The following EFCAB6 variants were observed in gnomAD, a reference collection of about 807,000 sequenced individuals.
The protein encoded by EFCAB6 is EF-hand calcium binding domain 6.
A neutral mutation model predicts 169.8 loss-of-function variants in EFCAB6; 156 were observed. The observed-to-expected ratio is 0.92, with a 90% CI of 0.81 to 1.05. EFCAB6 has a LOEUF of 1.05. EFCAB6 is among the 50% of genes least tolerant of loss of function. The pLI is 0.00. For missense variants in EFCAB6, 1,800 were observed against 1,829.1 expected (o/e 0.98, Z 0.29); for synonymous variants, 698 against 676.4 (o/e 1.03, Z -0.50).
At chr22:43,787,589 A>G (rs926368930) in intron 2 of EFCAB6, among the ~76,000 whole-genome samples, 2 of 152,314 alleles carry the variant, frequency 1.3e-5, no homozygotes, top group African/African-American at 4.8e-5. Flanking sequence ...ACTACACAAT[A>G]TTGTTGAAAG....
chr22:43,753,095 G>A (rs75017174), intron 6 of EFCAB6, among the ~76,000 whole-genome samples: 14,362 of 152,222 alleles, frequency 0.094, 745 homozygotes, highest in South Asian at 0.17. Context: ...CAGAACAAAT[G>A]AGAAACCATC....
chr22:43,588,759 T>G (rs1217214672), intron 24 of EFCAB6, among the ~76,000 whole-genome samples: 1 of 152,140 alleles, frequency 6.6e-6, no homozygotes, highest in Non-Finnish European at 1.5e-5. Flanking sequence ...GGAAAGAGAT[T>G]AAATTGGGGA....
At chr22:43,596,145 A>C (rs1356435306) in intron 23 of EFCAB6, among the ~76,000 whole-genome samples, 1 of 152,114 alleles carries the variant, frequency 6.6e-6, no homozygotes, top group Admixed American at 6.5e-5. Flanking sequence ...ATATGATACT[A>C]ACCAGGGAAA....
rs139642313 is a variant in EFCAB6 at position 43,616,641 on chromosome 22, G to T, written c.2466-719C>A. Among the ~76,000 whole-genome samples the T allele has an allele frequency of 2.4e-3, 360 of 152,284 alleles. 1 individual carries two copies. The highest frequency in any genetic ancestry group is 8.1e-3 in the African/African-American group (338 of 41,548). ...ATTCGTGCCATTGCACTCCAGCCTG[G>T]GGGAGAGCACGAGACTCCATCTCAA... On this transcript the variant is annotated intron_variant, in intron 20 of 31. Transcript: ENST00000262726.
chr22:43,574,506 T>C (rs1446962784), intron 26 of EFCAB6, among the ~76,000 whole-genome samples: 1 of 152,148 alleles, frequency 6.6e-6, no homozygotes, highest in Admixed American at 6.5e-5. Flanking sequence ...GCTTAGTAGG[T>C]GCTCACCAAA....
intron 27 of EFCAB6, chr22:43,553,161 G>A (rs1569147050): frequency 6.6e-6 from 1 of 152,150 alleles, no homozygotes; most frequent in Non-Finnish European, 1.5e-5. Context: ...TACTTCCAAG[G>A]CCTTACCCTG....
chr22:43,786,709 A>T (rs892326631), intron 2 of EFCAB6, among the ~76,000 whole-genome samples: 7 of 151,988 alleles, frequency 4.6e-5, no homozygotes, highest in Non-Finnish European at 2.9e-5. Flanking sequence ...GCGAGACTCC[A>T]TAAAAAAAAT....
intron 17 of EFCAB6, among the ~76,000 whole-genome samples, chr22:43,654,115 T>C (rs571161779): frequency 5.9e-5 from 9 of 152,232 alleles, no homozygotes; most frequent in African/African-American, 1.9e-4. Flanking sequence ...GGAAAAATCA[T>C]TAAGGATCTT....
At chr22:43,616,016 G>A (rs756851546) in intron 20 of EFCAB6, 94 bp from the exon 21 acceptor site, 156 of 996,570 alleles carry the variant, frequency 1.6e-4, no homozygotes, top group Non-Finnish European at 2.2e-4. Context: ...TTTGTTTCAA[G>A]GATACCATTA....
intron 6 of EFCAB6, among the ~76,000 whole-genome samples, chr22:43,741,117 A>T (rs2060353943): frequency 6.6e-6 from 1 of 152,146 alleles, no homozygotes; most frequent in Non-Finnish European, 1.5e-5. Context: ...CACACAGGGG[A>T]GGAGAGATGA....
rs774199887 is a variant in EFCAB6 at position 43,600,205 on chromosome 22, T to C, written c.2740A>G (p.Ile914Val). Residue 914 changes from isoleucine to valine, a missense_variant, in exon 23 of 32, where the codon ATT becomes GTT. Physicochemically the swap from Ile to Val is conservative, Grantham distance 29. Coordinates refer to ENST00000262726, the MANE Select transcript of EFCAB6 (RefSeq NM_022785.4). ...CGATGGACAGCAGGCGAATAGTTAA[T>C]ACCCAATTTCTGTAAAAATTCCTGG... Reference protein sequence around the residue: ...TYQEFLQKLGINYSPAVHRPC... With the variant: ...TYQEFLQKLGVNYSPAVHRPC... The C allele has an allele frequency of 9.9e-6, 16 of 1,614,184 alleles. No homozygotes were observed. Among genetic ancestry groups the C allele is most frequent in the East Asian group, 2.2e-5 (1 of 44,892 alleles).
At chr22:43,770,605 A>G (rs1322943339) in intron 4 of EFCAB6, among the ~76,000 whole-genome samples, 1 of 152,226 alleles carries the variant, frequency 6.6e-6, no homozygotes, top group African/African-American at 2.4e-5. Flanking sequence ...CTAAAAGTAA[A>G]AATTCAAGGG....
chr22:43,604,640 G>A (rs2147579916), intron 22 of EFCAB6, among the ~76,000 whole-genome samples: 1 of 152,076 alleles, frequency 6.6e-6, no homozygotes, highest in South Asian at 2.1e-4. Context: ...GTTCTCTCTG[G>A]GCACTGCTTT....
Position 43,595,922 on chromosome 22 carries a change from G to C in EFCAB6, c.2876+4147C>G, listed in dbSNP as rs778101163. 1.2e-4 allele frequency among the ~76,000 whole-genome samples: 18 copies of C among 152,108 alleles called. 1 individual carries two copies. Among genetic ancestry groups the C allele is most frequent in the Non-Finnish European group, 2.4e-4 (16 of 68,002 alleles). ...CCATGATCAAGTGGAATTCATCCCA[G>C]GGATGCAAGGATGGTTCAACATACA... On this transcript the variant is annotated intron_variant, in intron 23 of 31. Coordinates refer to ENST00000262726, the MANE Select transcript of EFCAB6 (RefSeq NM_022785.4).
intron 2 of EFCAB6, among the ~76,000 whole-genome samples, chr22:43,808,648 G>GCAAAAACAAAAACAAAAA (rs549009066): frequency 1.3e-5 from 2 of 151,920 alleles, no homozygotes; most frequent in African/African-American, 2.4e-5. Context: ...AGAGCATTGG[G>GCAAAAACAAAAACAAAAA]CAAAAACAAA....
chr22:43,530,734 G>GGGCT (rs2047004170), intron 31 of EFCAB6, 81 bp downstream of exon 31: 1 of 1,588,660 alleles, frequency 6.3e-7, no homozygotes, highest in African/African-American at 1.3e-5. Flanking sequence ...AGCAGGTAGA[G>GGGCT]GGCTCCCCGT....
Position 43,687,464 on chromosome 22 carries a change from T to A in EFCAB6, c.1142+7A>T, listed in dbSNP as rs773543049. 1.7e-5 allele frequency: 24 copies of A among 1,422,228 alleles called. No individual in the cohort carries two copies. The highest frequency in any genetic ancestry group is 2.1e-4 in the Middle Eastern group (1 of 4,754). 88.1% of individuals were successfully genotyped at this position (1,422,228 alleles called of 1,614,324 possible). A position where few individuals can be genotyped will look rare whatever the true frequency, so the allele number is the denominator to read the frequency against. ...TAAAATTTGTTTTTTTTTTTTTTTT[T>A]ACATACCTATTTCTTTTTGTCAGGG... On this transcript the variant is annotated splice_region_variant and intron_variant, in intron 11 of 31. Transcript: ENST00000262726.
chr22:43,736,216 T>A lies in EFCAB6; in HGVS notation c.508-223A>T, dbSNP rs66862532. ...TTCTCTGTAAATGGTCTTAGTAATT[T>A]AAAAAAAATCTCTTTCTCATGTAAA... On this transcript the variant is annotated intron_variant, in intron 6 of 31. Transcript: ENST00000262726. Among the ~76,000 whole-genome samples, 34,507 of 152,070 alleles carry A rather than the reference T, an allele frequency of 0.23. 5,167 individuals carry two copies. The highest frequency in any genetic ancestry group is 0.61 in the East Asian group (3,176 of 5,172).
intron 22 of EFCAB6, among the ~76,000 whole-genome samples, chr22:43,604,931 C>T (rs1035376494): frequency 9.9e-5 from 15 of 152,272 alleles, no homozygotes; most frequent in African/African-American, 3.1e-4. Flanking sequence ...CTACTCGGGT[C>T]GGCCCTTTGG....
Sources: gnomAD v4.1 joint callset for allele counts (sites outside exome capture counted in the v4.1 genomes callset) on GRCh38, gnomAD v4.1.1 for gene constraint, MANE v1.5 for transcripts, NCBI Gene and HGNC (gene_info 2026-07-23, HGNC 2026-07-21) for gene names.